WDR90: variants seen among roughly 807,000 people sequenced by gnomAD.
The protein encoded by WDR90 is WD repeat-containing protein 90.
WDR90 carries 238 observed loss-of-function variants against 195.2 expected under a neutral mutation model. That is an observed-to-expected ratio of 1.22 (90% CI 1.10 to 1.36). The LOEUF (loss-of-function observed/expected upper bound fraction) is 1.36. WDR90 is among the 40% of genes most tolerant of loss of function. The probability of loss-of-function intolerance (pLI) is 0.00; values close to 1 mark genes in which losing one functional copy is unlikely to be tolerated. For missense variants in WDR90, 2,734 were observed against 2,439.5 expected, an observed-to-expected ratio of 1.12 and a Z score of -2.54; for synonymous variants, 1,265 against 1,052.4, an observed-to-expected ratio of 1.20 and a Z score of -3.91.
rs1294053082 is a variant in WDR90 at position 656,830 on chromosome 16, C to T, written c.2301C>T (p.Arg767=). Residue 767 remains arginine, a synonymous_variant, in exon 19 of 41, where the codon CGC becomes CGT. Coordinates refer to ENST00000293879, the MANE Select transcript of WDR90 (RefSeq NM_145294.5). ...FFCGFSSGAV[R]SFSLEAAEVL... ...GTGGCTTTAGCAGTGGGGCCGTGCG[C>T]TCCTTCAGCCTGGAGGCCGCTGAGG... The T allele has an allele frequency of 6.8e-6, 11 of 1,612,912 alleles. No individual in the cohort carries two copies. Among genetic ancestry groups the T allele is most frequent in the Non-Finnish European group, 8.5e-6 (10 of 1,179,984 alleles).
In WDR90 at chr16:658,557, C is replaced by G; in HGVS notation, c.2799C>G (p.Ser933=). 1.2e-6 allele frequency: 2 copies of G among 1,612,660 alleles called. No individual in the cohort carries two copies. The highest frequency in any genetic ancestry group is 1.7e-6 in the Non-Finnish European group (2 of 1,179,844). Residue 933 remains serine (S), a synonymous_variant, in exon 23 of 41, where the codon TCC becomes TCG. Coordinates refer to ENST00000293879, the MANE Select transcript of WDR90 (RefSeq NM_145294.5). ...GTGTCCACCCTGAGCCCTGCCCCTC[C>G]TTGACGCTCAGTGAGGACGCCCGCT... ...LPGVHPEPCP[S]LTLSEDARFL... is the part of the protein sequence containing the mutation.
intron 4 of WDR90, 56 bp from the exon 5 acceptor site, chr16:650,483 T>C: frequency 1.3e-6 from 2 of 1,588,164 alleles, no homozygotes; most frequent in Non-Finnish European, 1.7e-6. Flanking sequence ...CTCACAGTTC[T>C]GGGAGTCGCG....
At position 661,890 on chromosome 16, in the gene WDR90, GGT is replaced by G; in HGVS notation, c.3866_3867del (p.Val1289AlafsTer52). ...QQRGADISLQVRREPVPEAVG... is the reference protein window; with the variant it reads ...QQRGADISLQXRREPVPEAVG... ...CCATGGCCACTCTCATACTTTGCCA[GGT>G]GCGTCGAGAGCCAGTCCCAGAGGCA... On this transcript the variant is annotated frameshift_variant and splice_region_variant, in exon 32 of 41. Coordinates refer to ENST00000293879, the MANE Select transcript of WDR90 (RefSeq NM_145294.5). LOFTEE classifies it high-confidence loss of function. The G allele has an allele frequency of 6.2e-7, 1 of 1,606,890 alleles. No homozygotes were observed. Among genetic ancestry groups the G allele is most frequent in the Non-Finnish European group, 8.5e-7 (1 of 1,176,170 alleles).
rs1283854566 is a variant in WDR90, at chr16:656,823, C to A, written c.2294C>A (p.Ala765Asp). 6.2e-7 allele frequency: 1 copy of A among 1,612,912 alleles called. No homozygotes were observed. Among genetic ancestry groups the A allele is most frequent in the Non-Finnish European group, 8.5e-7 (1 of 1,179,970 alleles). Residue 765 changes from alanine (A) to aspartate (D), a missense_variant, in exon 19 of 41, where the codon GCC becomes GAC. Coordinates refer to ENST00000293879, the MANE Select transcript of WDR90 (RefSeq NM_145294.5). ...PTFFCGFSSGAVRSFSLEAAE... is the reference protein window; with the variant it reads ...PTFFCGFSSGDVRSFSLEAAE... ...TTTTTCTGTGGCTTTAGCAGTGGGG[C>A]CGTGCGCTCCTTCAGCCTGGAGGCC... is the stretch of plus-strand genomic sequence containing the variant.
At chr16:662,482 G>C (rs1219622259) in intron 33 of WDR90, 151 bp downstream of exon 33, 2 of 1,198,172 alleles carry the variant, frequency 1.7e-6, no homozygotes, top group East Asian at 2.6e-5. Context: ...TGTGGCCTGG[G>C]CCTCACTGGC....
rs1393907184 is a variant in WDR90 at position 667,712 on chromosome 16, A to G, written c.*123A>G. On this transcript the variant is annotated 3_prime_UTR_variant, in exon 41 of 41. Transcript: ENST00000293879. ...CTGGGACAGGCCAGGATTCACGTAA[A>G]TCGCCTGGAGCAAGCTGTTGTAAAT... 4.1e-6 allele frequency: 6 copies of G among 1,455,092 alleles called. No homozygotes were observed. Among genetic ancestry groups the G allele is most frequent in the Non-Finnish European group, 4.7e-6 (5 of 1,070,326 alleles). 90.1% of individuals were successfully genotyped at this position (1,455,092 alleles called of 1,614,324 possible). A position where few individuals can be genotyped will look rare whatever the true frequency, so the allele number is the denominator to read the frequency against.
In WDR90 at chr16:661,707, G is replaced by A. The variant is rs376207789; in HGVS notation, c.3784G>A (p.Ala1262Thr). Residue 1262 changes from alanine to threonine, a missense_variant, in exon 31 of 41, where the codon GCC becomes ACC. Coordinates refer to ENST00000293879, the MANE Select transcript of WDR90 (RefSeq NM_145294.5). ...TGGTGTGGCCTTCAACCCCTGGGACGCCGGCGAGCTCACCTGTGTGGGCCA... is the reference window on the plus strand; with the variant it reads ...TGGTGTGGCCTTCAACCCCTGGGACACCGGCGAGCTCACCTGTGTGGGCCA... ...VHGVAFNPWD[A>T]GELTCVGQGT... 6.8e-5 allele frequency: 109 copies of A among 1,612,464 alleles called. 1 individual carries two copies. Among genetic ancestry groups the A allele is most frequent in the Non-Finnish European group, 8.5e-5 (100 of 1,179,806 alleles).
chr16:651,207 G>A lies in WDR90; in HGVS notation c.677G>A (p.Ser226Asn), dbSNP rs2037640205. The change falls in exon 7 of 41, where the codon AGT becomes AAT. Residue 226 changes from serine (S) to asparagine (N), a missense_variant. Ser to Asn is a conservative substitution (Grantham distance 46, BLOSUM62 1). Coordinates refer to ENST00000293879, the MANE Select transcript of WDR90 (RefSeq NM_145294.5). ...TCCCTCTGCCTGCCAAGGTTTCCAA[G>A]TGAGAGCTTGAAAGTGCCTTCCAAG... is the stretch of plus-strand genomic sequence containing the variant. Reference protein sequence around the residue: ...HDRYIHVRFPSESLKVPSKPI... With the variant: ...HDRYIHVRFPNESLKVPSKPI... The A allele has an allele frequency of 6.2e-7, 1 of 1,613,082 alleles. No individual in the cohort carries two copies. Among genetic ancestry groups the A allele is most frequent in the African/African-American group, 1.3e-5 (1 of 74,932 alleles).
rs2038017186 is a variant in WDR90, at chr16:665,960, G to T, written c.4445G>T (p.Cys1482Phe). 13 of 1,589,122 alleles carry T rather than the reference G, an allele frequency of 8.2e-6. No individual in the cohort carries two copies. In the Admixed American group the frequency reaches 1.2e-4, roughly 14 times the overall value. Reference sequence around the variant, plus strand: ...ACTGTGGGTCCCCAGAGCTGCCTCTGCCTGGCATGGAGCCCCCCGTGCTGT... The same window carrying T: ...ACTGTGGGTCCCCAGAGCTGCCTCTTCCTGGCATGGAGCCCCCCGTGCTGT... ...QFQVLNQSCL[C>F]LAWSPPCCGR... Residue 1482 changes from cysteine to phenylalanine, a missense_variant, in exon 36 of 41, where the codon TGC becomes TTC. Cys to Phe is a radical substitution (Grantham distance 205, BLOSUM62 -2). Transcript: ENST00000293879.
At position 655,128 on chromosome 16, in the gene WDR90, A is replaced by G. The variant is rs201490214; in HGVS notation, c.1537A>G (p.Thr513Ala). 2.8e-5 allele frequency: 45 copies of G among 1,612,562 alleles called. No individual in the cohort carries two copies. The highest frequency in any genetic ancestry group is 8.3e-5 in the Admixed American group (5 of 60,004). The change falls in exon 14 of 41, where the codon ACC becomes GCC. Residue 513 changes from threonine (T) to alanine (A), a missense_variant. Coordinates refer to ENST00000293879, the MANE Select transcript of WDR90 (RefSeq NM_145294.5). Reference sequence around the variant, plus strand: ...CTTTGACGTCCAGGCCTTCCGGGTCACCTTTTTTGATGAAACCAGGTGATG... The same window carrying G: ...CTTTGACGTCCAGGCCTTCCGGGTCGCCTTTTTTGATGAAACCAGGTGATG... Reference protein sequence around the residue: ...TDFDVQAFRVTFFDETRMASC... With the variant: ...TDFDVQAFRVAFFDETRMASC...
chr16:651,464 C>A (rs1015363911), intron 7 of WDR90, among the ~76,000 whole-genome samples, 180 bp from the exon 8 acceptor site: 5 of 152,088 alleles, frequency 3.3e-5, no homozygotes, highest in Non-Finnish European at 7.4e-5. Flanking sequence ...CCGGGGGCCC[C>A]AAGCTTTCTA....
chr16:665,025 T>TA (rs2037993472), intron 34 of WDR90: 1 of 155,448 alleles, frequency 6.4e-6, no homozygotes, highest in Admixed American at 6.5e-5. Context: ...CACTTGCACT[T>TA]AAAGTTCACA....
intron 18 of WDR90, 43 bp downstream of exon 18, chr16:656,580 T>G (rs1291747966): frequency 6.4e-7 from 1 of 1,565,332 alleles, no homozygotes; most frequent in East Asian, 2.3e-5. Flanking sequence ...GGCCGGGAGG[T>G]CCTGAAGCTG....
rs746740424 is a variant in WDR90 at position 655,872 on chromosome 16, C to T, written c.1949C>T (p.Ser650Leu). Residue 650 changes from serine (S) to leucine (L), a missense_variant, in exon 17 of 41, where the codon TCG (serine) becomes TTG (leucine). Transcript: ENST00000293879. Reference protein sequence around the residue: ...FLRLWPLDFSSVLLEAEHEGP... With the variant: ...FLRLWPLDFSLVLLEAEHEGP... ...CGGCTCTGGCCCCTGGACTTCTCCTCGGTGCTCCTGGAGGCAGGTGATGCT... is the reference window on the plus strand; with the variant it reads ...CGGCTCTGGCCCCTGGACTTCTCCTTGGTGCTCCTGGAGGCAGGTGATGCT... 21 of 1,597,242 alleles carry T rather than the reference C, an allele frequency of 1.3e-5. No individual in the cohort carries two copies. Among genetic ancestry groups the T allele is most frequent in the Middle Eastern group, 1.6e-4 (1 of 6,076 alleles).
Position 661,342 on chromosome 16 carries a change from G to C in WDR90, c.3514G>C (p.Val1172Leu), listed in dbSNP as rs1343916701. 6.3e-7 allele frequency: 1 copy of C among 1,598,566 alleles called. No individual in the cohort carries two copies. The highest frequency in any genetic ancestry group is 8.5e-7 in the Non-Finnish European group (1 of 1,173,936). ...STLALSHSAQVLASASGRSST... is the reference protein window; with the variant it reads ...STLALSHSAQLLASASGRSST... ...TCACGCCTGGCCTCTTGCCTGCCAGGTCCTGGCCTCTGCCTCGGGCCGAAG... is the reference window on the plus strand; with the variant it reads ...TCACGCCTGGCCTCTTGCCTGCCAGCTCCTGGCCTCTGCCTCGGGCCGAAG... Residue 1172 changes from valine (V) to leucine (L), a missense_variant and splice_region_variant, in exon 30 of 41, where the codon GTC becomes CTC. By Grantham distance (32) the Val-to-Leu change is conservative. Transcript: ENST00000293879.
chr16:667,289 G>A (rs1300734793), intron 40 of WDR90, 143 bp from the exon 41 acceptor site: 33 of 1,151,132 alleles, frequency 2.9e-5, no homozygotes, highest in Non-Finnish European at 3.5e-5. Flanking sequence ...CCAGTGGCAC[G>A]TGGAGGGCAC....
At chr16:657,068 C>G (rs369522256) in intron 19 of WDR90, 23 bp from the exon 20 acceptor site, 1 of 1,594,456 alleles carries the variant, frequency 6.3e-7, no homozygotes, top group African/African-American at 1.3e-5. Flanking sequence ...CTAGGGCCAG[C>G]GGGGTCCCTG....
intron 13 of WDR90, chr16:654,156 C>T (rs986599767): frequency 1.5e-5 from 5 of 344,668 alleles, no homozygotes; most frequent in Non-Finnish European, 2.6e-5. Context: ...CACCTCCACA[C>T]AGCCGAAGCA....
At chr16:658,112 C>A in intron 21 of WDR90, 71 bp from the exon 22 acceptor site, 1 of 1,548,794 alleles carries the variant, frequency 6.5e-7, no homozygotes, top group South Asian at 1.2e-5. Context: ...ACCTCCCTCC[C>A]GAGCCTGACC....
Sources: allele counts gnomAD v4.1 joint callset (sites outside exome capture counted in the v4.1 genomes callset), GRCh38; gene constraint gnomAD v4.1.1; transcripts MANE v1.5; gene names NCBI Gene and HGNC (gene_info 2026-07-23, HGNC 2026-07-21).